The following GABRG3 variants were observed in gnomAD, a reference collection of about 807,000 sequenced individuals.
GABRG3 encodes the protein gamma-aminobutyric acid type A receptor subunit gamma3.
GABRG3 carries 25 observed loss-of-function variants against 48.8 expected under a neutral mutation model. The ratio of observed to expected loss-of-function variants is 0.51; its 90% CI spans 0.37 to 0.72. The LOEUF is 0.72. Ranked by LOEUF, GABRG3 falls within the 30% of genes least tolerant of loss-of-function variation. The probability of loss-of-function intolerance (pLI) is 0.00; values close to 1 mark genes in which losing one functional copy is unlikely to be tolerated. For synonymous variants in GABRG3, 227 were observed against 217.6 expected, an observed-to-expected ratio of 1.04 and a Z score of -0.38; for missense variants, 394 against 577.9, an observed-to-expected ratio of 0.68 and a Z score of 3.26.
intron 2 of GABRG3, among the ~76,000 whole-genome samples, chr15:27,006,917 C>T (rs748805972): frequency 4.0e-5 from 6 of 151,478 alleles, no homozygotes; most frequent in Non-Finnish European, 8.8e-5. Flanking sequence ...GGGCTTACTG[C>T]AGCCTCGAAC....
chr15:27,237,144 C>T (rs1217032956), intron 3 of GABRG3, among the ~76,000 whole-genome samples: 1 of 152,216 alleles, frequency 6.6e-6, no homozygotes, highest in Non-Finnish European at 1.5e-5. Flanking sequence ...CCTAGAATGG[C>T]TGTGAGGGTG....
chr15:27,278,241 G>A (rs565095267), intron 3 of GABRG3, among the ~76,000 whole-genome samples: 15 of 152,058 alleles, frequency 9.9e-5, no homozygotes, highest in Admixed American at 2.0e-4. Flanking sequence ...TAGTAGAGAC[G>A]AGGTTTCGCC....
chr15:27,127,869 C>T (rs1026167007), intron 3 of GABRG3, among the ~76,000 whole-genome samples: 2 of 152,172 alleles, frequency 1.3e-5, no homozygotes, highest in Admixed American at 6.5e-5. Flanking sequence ...AGAGACCCCC[C>T]ACTGGTAGGT....
chr15:27,355,529 G>C (rs1894806703), intron 5 of GABRG3, among the ~76,000 whole-genome samples: 1 of 152,224 alleles, frequency 6.6e-6, no homozygotes, highest in Non-Finnish European at 1.5e-5. Flanking sequence ...GGAAATGTCA[G>C]GTGGTTCTGC....
At chr15:27,388,069 G>A (rs180792539) in intron 5 of GABRG3, among the ~76,000 whole-genome samples, 218 of 102,976 alleles carry the variant, frequency 2.1e-3, no homozygotes, top group African/African-American at 0.011. Flanking sequence ...GGGAGGGTAA[G>A]GAAGGAAGGA....
chr15:27,327,247 T>G (rs924602724), intron 4 of GABRG3, among the ~76,000 whole-genome samples: 4 of 152,238 alleles, frequency 2.6e-5, no homozygotes, highest in East Asian at 1.9e-4. Context: ...CTTCAGAATC[T>G]ATTTCTGCTG....
At chr15:27,405,355 T>C (rs1343190072) in intron 5 of GABRG3, among the ~76,000 whole-genome samples, 1 of 152,168 alleles carries the variant, frequency 6.6e-6, no homozygotes, top group Non-Finnish European at 1.5e-5. Flanking sequence ...AAAGAAATAA[T>C]TATAAATGTA....
At chr15:27,117,650 A>G (rs1405150673) in intron 3 of GABRG3, among the ~76,000 whole-genome samples, 1 of 152,210 alleles carries the variant, frequency 6.6e-6, no homozygotes, top group African/African-American at 2.4e-5. Flanking sequence ...TGCTCAGATT[A>G]TTAGAAAGTT....
chr15:27,089,215 C>T (rs918527919), intron 3 of GABRG3, among the ~76,000 whole-genome samples: 7 of 152,160 alleles, frequency 4.6e-5, no homozygotes, highest in Admixed American at 4.6e-4. Context: ...GAAGGCAGAA[C>T]GGTGGCCAAG....
chr15:27,378,846 A>G lies in GABRG3; in HGVS notation c.574+49958A>G, dbSNP rs112175862. Among the ~76,000 whole-genome samples the G allele has an allele frequency of 1.6e-4, 25 of 152,332 alleles. 1 individual carries two copies. The highest frequency in any genetic ancestry group is 6.0e-4 in the African/African-American group (25 of 41,580). On this transcript the variant is annotated intron_variant, in intron 5 of 9. Transcript: ENST00000615808. ...GTAAAGAAAAGAAAGTTATTTGTGA[A>G]CAGATTGGAGAGGGGATTATGGGAT...
chr15:27,541,381 G>C lies in GABRG3; in HGVS notation c.*8500G>C, dbSNP rs1891658537. ...GGGGTGTGGGCAGGGTCCTCTCTCT[G>C]TGAAGCCTGTGTGGGAGGTGAAACT... On this transcript the variant is annotated 3_prime_UTR_variant, in exon 10 of 10. Transcript: ENST00000615808. 1 of 152,784 alleles carries C rather than the reference G, an allele frequency of 6.5e-6. No individual in the cohort carries two copies. The highest frequency in any genetic ancestry group is 2.1e-4 in the South Asian group (1 of 4,842). The allele number at this position is 152,784 out of a possible 1,614,324, so 9.5% of individuals were successfully genotyped here.
chr15:27,532,486 C>T lies in GABRG3; in HGVS notation c.1123-114C>T, dbSNP rs192115549. ...CAGCATGGGGGGAAGGGCACACCCA[C>T]GCATCCTCTTTATCTATAGGAGACA... On this transcript the variant is annotated intron_variant, in intron 9 of 9. Transcript: ENST00000615808. 71 of 946,270 alleles carry T rather than the reference C, an allele frequency of 7.5e-5. 2 individuals carry two copies. The highest frequency in any genetic ancestry group is 4.7e-4 in the East Asian group (17 of 36,388). 58.6% of individuals were successfully genotyped at this position (946,270 alleles called of 1,614,324 possible). A position where few individuals can be genotyped will look rare whatever the true frequency, so the allele number is the denominator to read the frequency against.
In GABRG3 at chr15:27,062,434, T is replaced by TAAAAAAAAAAAAAAAAAAAAAAAAA. The variant is rs57903886; in HGVS notation, c.270+35637_270+35638insAAAAAAAAAAAAAAAAAAAAAAAAA. ...CAACATGGTGAAACTCCATCTCTACTAAAAAAAAAAAAAAAAAAAAAAAAT... is the reference window on the plus strand; with the variant it reads ...CAACATGGTGAAACTCCATCTCTACTAAAAAAAAAAAAAAAAAAAAAAAAAAAAAAAAAAAAAAAAAAAAAAAAAT... On this transcript the variant is annotated intron_variant, in intron 3 of 9. Coordinates refer to ENST00000615808, the MANE Select transcript of GABRG3 (RefSeq NM_033223.5). Among the ~76,000 whole-genome samples the TAAAAAAAAAAAAAAAAAAAAAAAAA allele has an allele frequency of 1.2e-3, 38 of 32,856 alleles. 5 individuals are homozygous for TAAAAAAAAAAAAAAAAAAAAAAAAA. The highest frequency in any genetic ancestry group is 1.9e-3 in the Non-Finnish European group (22 of 11,804). 21.6% of individuals were successfully genotyped at this position (32,856 alleles called of 152,430 possible). A position where few individuals can be genotyped will look rare whatever the true frequency, so the allele number is the denominator to read the frequency against.
At chr15:27,112,359 A>G (rs1897566652) in intron 3 of GABRG3, among the ~76,000 whole-genome samples, 1 of 151,870 alleles carries the variant, frequency 6.6e-6, no homozygotes, top group South Asian at 2.1e-4. Context: ...CAATATATGT[A>G]TGCGCAGATT....
Position 27,403,238 on chromosome 15 carries a change from T to C in GABRG3, c.574+74350T>C, listed in dbSNP as rs11856478. Among the ~76,000 whole-genome samples, 449 of 151,602 alleles carry C rather than the reference T, an allele frequency of 3.0e-3. 2 individuals are homozygous for C. Among genetic ancestry groups the C allele is most frequent in the African/African-American group, 0.01 (416 of 41,262 alleles). ...AAAAAAATGTTGAAAAGTTAAAGGATGGAAAATATAGAAGCAGAAGTACCT... is the reference window on the plus strand; with the variant it reads ...AAAAAAATGTTGAAAAGTTAAAGGACGGAAAATATAGAAGCAGAAGTACCT... On this transcript the variant is annotated intron_variant, in intron 5 of 9. Coordinates refer to ENST00000615808, the MANE Select transcript of GABRG3 (RefSeq NM_033223.5).
intron 5 of GABRG3, among the ~76,000 whole-genome samples, chr15:27,473,367 A>T (rs1889841584): frequency 6.6e-6 from 1 of 152,224 alleles, no homozygotes; most frequent in Admixed American, 6.5e-5. Context: ...TGAGAATTAG[A>T]ACTAGTAAAG....
intron 2 of GABRG3, among the ~76,000 whole-genome samples, chr15:26,977,401 A>G (rs549071252): frequency 6.6e-6 from 1 of 152,240 alleles, no homozygotes; most frequent in African/African-American, 2.4e-5. Context: ...CAAGATACAG[A>G]ACTCCTTCAT....
intron 5 of GABRG3, among the ~76,000 whole-genome samples, chr15:27,473,700 G>T (rs1745118758): frequency 6.6e-6 from 1 of 152,132 alleles, no homozygotes; most frequent in Non-Finnish European, 1.5e-5. Flanking sequence ...AATGTATCAG[G>T]TTTCCAAAAG....
chr15:27,166,428 A>G (rs1023304025), intron 3 of GABRG3, among the ~76,000 whole-genome samples: 1 of 151,894 alleles, frequency 6.6e-6, no homozygotes, highest in Non-Finnish European at 1.5e-5. Flanking sequence ...GTGGTTTGTT[A>G]TTTTGTAGGA....
Sources: allele counts gnomAD v4.1 joint callset (sites outside exome capture counted in the v4.1 genomes callset), GRCh38; gene constraint gnomAD v4.1.1; transcripts MANE v1.5; gene names NCBI Gene and HGNC (gene_info 2026-07-23, HGNC 2026-07-21).